Variants in MTUS2 observed in about 807,000 individuals in gnomAD.
MTUS2 encodes microtubule associated scaffold protein 2, also known as microtubule-associated tumor suppressor candidate 2.
A neutral mutation model predicts 114.1 loss-of-function variants in MTUS2; 40 were observed. That is an observed-to-expected ratio of 0.35 (90% CI 0.27 to 0.46). MTUS2 has a LOEUF of 0.46. Among genes scored for constraint, MTUS2 ranks in the 20% least tolerant of loss-of-function variants. The pLI is 1.00. For missense variants in MTUS2, 1,679 were observed against 1,705.4 expected (o/e 0.98, Z 0.27); for synonymous variants, 688 against 672.0 (o/e 1.02, Z -0.37).
At chr13:29,204,722 C>G (rs530794971) in intron 5 of MTUS2, among the ~76,000 whole-genome samples, 1 of 152,190 alleles carries the variant, frequency 6.6e-6, no homozygotes, top group Non-Finnish European at 1.5e-5. Flanking sequence ...GTGTAGTAGT[C>G]GGAACGTTCC....
intron 8 of MTUS2, among the ~76,000 whole-genome samples, chr13:29,365,896 C>T (rs7326446): frequency 0.25 from 38,275 of 152,076 alleles, 5,614 homozygotes; most frequent in African/African-American, 0.41. Context: ...AAAGGAAAGA[C>T]AATATTCAAA....
chr13:29,306,730 A>G (rs977271895), intron 6 of MTUS2: 2 of 290,162 alleles, frequency 6.9e-6, no homozygotes, highest in African/African-American at 4.4e-5. Context: ...CCTGTTCGAC[A>G]GACAGCCACA....
intron 8 of MTUS2, among the ~76,000 whole-genome samples, chr13:29,379,130 A>T (rs916013777): frequency 6.6e-6 from 1 of 152,168 alleles, no homozygotes; most frequent in Non-Finnish European, 1.5e-5. Context: ...GCGGAACTGT[A>T]AGTCAATTAA....
At chr13:28,910,184 C>A (rs1330435499) in intron 2 of MTUS2, among the ~76,000 whole-genome samples, 1 of 152,114 alleles carries the variant, frequency 6.6e-6, no homozygotes, top group Non-Finnish European at 1.5e-5. Context: ...CCACCCGTTA[C>A]CCTTCCCAGC....
intron 2 of MTUS2, among the ~76,000 whole-genome samples, chr13:28,962,932 C>T (rs1883395553): frequency 6.6e-6 from 1 of 152,172 alleles, no homozygotes; most frequent in Admixed American, 6.5e-5. Context: ...GGTCCTCTAT[C>T]CTGCACCATC....
chr13:28,998,692 A>G (rs1885236275), intron 2 of MTUS2, among the ~76,000 whole-genome samples: 1 of 152,134 alleles, frequency 6.6e-6, no homozygotes, highest in Non-Finnish European at 1.5e-5. Flanking sequence ...TCGGTTACTG[A>G]GGCTTGTGCA....
At chr13:29,450,846 G>A (rs1361491783) in intron 9 of MTUS2, among the ~76,000 whole-genome samples, 1 of 152,188 alleles carries the variant, frequency 6.6e-6, no homozygotes, top group Non-Finnish European at 1.5e-5. Flanking sequence ...TAGGAATGAA[G>A]TTGGCCATTA....
intron 7 of MTUS2, among the ~76,000 whole-genome samples, chr13:29,338,904 T>G (rs1313041061): frequency 6.6e-6 from 1 of 152,044 alleles, no homozygotes; most frequent in Admixed American, 6.6e-5. Flanking sequence ...GTCTCTTCAG[T>G]GTGGGCTCTG....
intron 5 of MTUS2, among the ~76,000 whole-genome samples, chr13:29,139,767 C>A (rs1892138337): frequency 6.6e-6 from 1 of 152,096 alleles, no homozygotes; most frequent in African/African-American, 2.4e-5. Context: ...TAACACTTAC[C>A]ACTCATCCTT....
At chr13:28,954,565 G>A (rs1052562980) in intron 2 of MTUS2, among the ~76,000 whole-genome samples, 2 of 152,162 alleles carry the variant, frequency 1.3e-5, no homozygotes, top group Admixed American at 6.5e-5. Context: ...TGGGGAGTGG[G>A]TGTGGGCAGT....
At position 29,107,049 on chromosome 13, in the gene MTUS2, C is replaced by T. The variant is rs550828782; in HGVS notation, c.2644+6079C>T. On this transcript the variant is annotated intron_variant, in intron 5 of 15. Coordinates refer to ENST00000612955, the MANE Select transcript of MTUS2 (RefSeq NM_001033602.4). ...AACCATTCATCTCTGGAATACACCTCCCCCGGCCTTCTATCCCTACCCGCA... is the reference window on the plus strand; with the variant it reads ...AACCATTCATCTCTGGAATACACCTTCCCCGGCCTTCTATCCCTACCCGCA... 3.9e-5 allele frequency among the ~76,000 whole-genome samples: 6 copies of T among 152,178 alleles called. No homozygotes were observed. In the South Asian group the frequency reaches 1.2e-3, roughly 32 times the overall value.
chr13:28,937,012 G>A (rs1881938306), intron 2 of MTUS2, among the ~76,000 whole-genome samples: 1 of 152,136 alleles, frequency 6.6e-6, no homozygotes, highest in African/African-American at 2.4e-5. Context: ...AGGAAATAGG[G>A]GCAGAATTTG....
chr13:29,389,661 GTATATGTATATATACATATA>G (rs1281158809), intron 8 of MTUS2, among the ~76,000 whole-genome samples: 1 of 142,456 alleles, frequency 7.0e-6, no homozygotes, highest in African/African-American at 2.7e-5. Context: ...ACGTATATAT[GTATATGTATATATACATATA>G]TGTATGTATA....
chr13:28,928,969 A>G (rs984382602), intron 2 of MTUS2, among the ~76,000 whole-genome samples: 1 of 152,218 alleles, frequency 6.6e-6, no homozygotes, highest in Non-Finnish European at 1.5e-5. Flanking sequence ...TATACACACA[A>G]TGGAATATTA....
chr13:28,986,606 G>A (rs1470299857), intron 2 of MTUS2, among the ~76,000 whole-genome samples: 1 of 152,198 alleles, frequency 6.6e-6, no homozygotes, highest in Non-Finnish European at 1.5e-5. Context: ...TCCTCTAACA[G>A]CACCAGGCAT....
chr13:29,007,678 G>A (rs2138408900), intron 2 of MTUS2, among the ~76,000 whole-genome samples: 1 of 152,306 alleles, frequency 6.6e-6, no homozygotes, highest in African/African-American at 2.4e-5. Flanking sequence ...AGACCTTTGT[G>A]ATGATCCACT....
At position 29,024,477 on chromosome 13, in the gene MTUS2, C is replaced by G. The variant is rs1354593722; in HGVS notation, c.-222C>G. The G allele has an allele frequency of 1.8e-6, 1 of 562,112 alleles. No individual in the cohort carries two copies. The highest frequency in any genetic ancestry group is 3.1e-6 in the Non-Finnish European group (1 of 322,296). 34.8% of individuals were successfully genotyped at this position (562,112 alleles called of 1,614,324 possible). A position where few individuals can be genotyped will look rare whatever the true frequency, so the allele number is the denominator to read the frequency against. The stretch of plus-strand genomic sequence containing the variant: ...TCTAGGTCTCATGGACTGATTGGCT[C>G]TCATTCAGCAGGAACCTAACAGATA... On this transcript the variant is annotated 5_prime_UTR_variant, in exon 3 of 16. Coordinates refer to ENST00000612955, the MANE Select transcript of MTUS2 (RefSeq NM_001033602.4).
chr13:29,321,339 A>G (rs1900246205), intron 6 of MTUS2, among the ~76,000 whole-genome samples: 1 of 152,208 alleles, frequency 6.6e-6, no homozygotes, highest in South Asian at 2.1e-4. Context: ...CCACACTAGC[A>G]TTTCTAGACA....
In MTUS2 at chr13:29,325,832, G is replaced by A. The variant is rs546273558; in HGVS notation, c.2905+1121G>A. 1.4e-4 allele frequency among the ~76,000 whole-genome samples: 22 copies of A among 152,316 alleles called. No individual in the cohort carries two copies. The South Asian group carries it at 3.5e-3, about 24-fold the overall frequency. ...CTCTCTTTACATGTGAGGAAAGTGA[G>A]GCACAGACATTTCATTAATTTGCCC... On this transcript the variant is annotated intron_variant, in intron 7 of 15. Transcript: ENST00000612955.
Sources: allele counts gnomAD v4.1 joint callset (sites outside exome capture counted in the v4.1 genomes callset), GRCh38; gene constraint gnomAD v4.1.1; transcripts MANE v1.5; gene names NCBI Gene and HGNC (gene_info 2026-07-23, HGNC 2026-07-21).